Variants in PAIP1 observed in about 807,000 individuals in gnomAD.
The protein encoded by PAIP1 is polyadenylate-binding protein-interacting protein 1.
Under a neutral mutation model 61.3 loss-of-function variants are expected in PAIP1, and 16 were observed. The ratio of observed to expected loss-of-function variants is 0.26; its 90% confidence interval spans 0.18 to 0.40. PAIP1 has a LOEUF of 0.40. Ranked by LOEUF, PAIP1 falls within the 10% of genes least tolerant of loss-of-function variation. The probability of loss-of-function intolerance (pLI) is 1.00; values close to 1 mark genes in which losing one functional copy is unlikely to be tolerated. For synonymous variants in PAIP1, 187 were observed against 226.2 expected (o/e 0.83, Z 1.56); for missense variants, 416 against 600.9 (o/e 0.69, Z 3.22).
At chr5:43,529,472 C>T (rs550613197) in intron 10 of PAIP1, among the ~76,000 whole-genome samples, 40 of 152,016 alleles carry the variant, frequency 2.6e-4, no homozygotes, top group Non-Finnish European at 5.1e-4. Flanking sequence ...GGCACGATCT[C>T]GGCTCACTGC....
In PAIP1 at chr5:43,546,320, A is replaced by C. The variant is rs1482305872; in HGVS notation, c.621+1408T>G. On this transcript the variant is annotated intron_variant, in intron 3 of 10. Transcript: ENST00000306846. ...GCAGCCTACTGAATAACTGAAACTAAATAGTGGAGGAAGCCAGAAAGGCAA... is the reference window on the plus strand; with the variant it reads ...GCAGCCTACTGAATAACTGAAACTACATAGTGGAGGAAGCCAGAAAGGCAA... Among the ~76,000 whole-genome samples the C allele has an allele frequency of 3.3e-5, 5 of 152,398 alleles. No individual in the cohort carries two copies. In the East Asian group the frequency reaches 9.6e-4, roughly 29 times the overall value.
At chr5:43,548,716 C>T (rs1018158548) in intron 2 of PAIP1, among the ~76,000 whole-genome samples, 2 of 152,126 alleles carry the variant, frequency 1.3e-5, no homozygotes, top group Admixed American at 6.5e-5. Context: ...CCACCCGAAG[C>T]GCTTTAAAGT....
At chr5:43,548,103 G>A (rs2111575365) in intron 2 of PAIP1, among the ~76,000 whole-genome samples, 190 bp from the exon 3 acceptor site, 1 of 152,302 alleles carries the variant, frequency 6.6e-6, no homozygotes, top group East Asian at 1.9e-4. Flanking sequence ...ATTAACAGCA[G>A]AAAGGTTCTG....
At chr5:43,544,620 C>G (rs1747556421) in intron 3 of PAIP1, among the ~76,000 whole-genome samples, 2 of 152,198 alleles carry the variant, frequency 1.3e-5, no homozygotes, top group Admixed American at 1.3e-4. Context: ...CTTACTGCAA[C>G]TTGAGCATCC....
At chr5:43,540,804 G>A (rs539092900) in intron 4 of PAIP1, among the ~76,000 whole-genome samples, 1 of 152,286 alleles carries the variant, frequency 6.6e-6, no homozygotes, top group African/African-American at 2.4e-5. Context: ...TAGCTATACA[G>A]TAGAATCACT....
chr5:43,544,335 A>G (rs748238283), intron 3 of PAIP1, among the ~76,000 whole-genome samples: 2 of 152,044 alleles, frequency 1.3e-5, no homozygotes, highest in African/African-American at 2.4e-5. Context: ...AGGGAGAAAG[A>G]GTGATTTCTC....
At chr5:43,557,087 C>G (rs1161496451), upstream of PAIP1, 7 of 702,204 alleles carry the variant, frequency 1.0e-5, no homozygotes, top group Non-Finnish European at 1.4e-5. Flanking sequence ...CAGTTCTCCC[C>G]CAAAACCCGG....
chr5:43,541,983 C>A (rs1747433081), intron 4 of PAIP1, among the ~76,000 whole-genome samples: 1 of 150,928 alleles, frequency 6.6e-6, no homozygotes, highest in South Asian at 2.1e-4. Context: ...TCGAGACCAG[C>A]CTGGCCAACA....
At chr5:43,531,735 CAA>C (rs1746950223) in intron 9 of PAIP1, among the ~76,000 whole-genome samples, 1 of 142,142 alleles carries the variant, frequency 7.0e-6, no homozygotes, top group East Asian at 2.4e-4. Context: ...TAACTGTTAA[CAA>C]AAAGTACACC....
intron 2 of PAIP1, among the ~76,000 whole-genome samples, chr5:43,552,678 C>T (rs778063058): frequency 1.1e-4 from 17 of 151,804 alleles, no homozygotes; most frequent in Admixed American, 9.2e-4. Context: ...TGCAGAGTCT[C>T]GGGAGTGAAG....
intron 1 of PAIP1, chr5:43,556,375 C>T (rs1403816541): frequency 1.5e-5 from 18 of 1,234,616 alleles, no homozygotes; most frequent in South Asian, 8.1e-5. Flanking sequence ...GGCCCCTCCC[C>T]CCAGCCAGGC....
intron 2 of PAIP1, among the ~76,000 whole-genome samples, chr5:43,548,475 C>G (rs967434138): frequency 6.6e-6 from 1 of 152,122 alleles, no homozygotes; most frequent in Non-Finnish European, 1.5e-5. Context: ...TAAAGCTGCT[C>G]GAGTAACTAA....
chr5:43,555,514 T>C (rs980760932), intron 2 of PAIP1, among the ~76,000 whole-genome samples: 54 of 152,246 alleles, frequency 3.5e-4, no homozygotes, highest in African/African-American at 1.3e-3. Flanking sequence ...AAATACTTTA[T>C]CACAACCCCG....
At chr5:43,554,218 C>T (rs1417228144) in intron 2 of PAIP1, among the ~76,000 whole-genome samples, 1 of 152,194 alleles carries the variant, frequency 6.6e-6, no homozygotes, top group Non-Finnish European at 1.5e-5. Flanking sequence ...TACACAAACA[C>T]ACCCCTGTAT....
intron 2 of PAIP1, among the ~76,000 whole-genome samples, chr5:43,553,841 C>G (rs890510503): frequency 9.2e-5 from 14 of 152,206 alleles, no homozygotes; most frequent in African/African-American, 3.4e-4. Flanking sequence ...TGCCTCTACT[C>G]AGCTCCAACC....
At chr5:43,529,466 C>T (rs559943962) in intron 10 of PAIP1, among the ~76,000 whole-genome samples, 29 of 152,010 alleles carry the variant, frequency 1.9e-4, no homozygotes, top group African/African-American at 6.5e-4. Context: ...TGCAGTGGCA[C>T]GATCTCGGCT....
chr5:43,534,407 C>A (rs1747063041), intron 8 of PAIP1, among the ~76,000 whole-genome samples: 1 of 152,238 alleles, frequency 6.6e-6, no homozygotes, highest in Non-Finnish European at 1.5e-5. Flanking sequence ...CCACGTTGGT[C>A]AGGCTGGTCT....
intron 8 of PAIP1, 93 bp from the exon 9 acceptor site, chr5:43,533,885 C>T: frequency 2.5e-6 from 2 of 791,262 alleles, no homozygotes; most frequent in Non-Finnish European, 4.5e-6. Context: ...CACCCGTCTG[C>T]ACCTAATAAT....
intron 6 of PAIP1, 90 bp downstream of exon 6, chr5:43,536,729 T>A (rs1747171578): frequency 3.4e-6 from 2 of 581,892 alleles, no homozygotes; most frequent in Non-Finnish European, 5.8e-6. Flanking sequence ...AAGTGATAAA[T>A]CTTGAATTCA....
Sources: allele counts gnomAD v4.1 joint callset (sites outside exome capture counted in the v4.1 genomes callset), GRCh38; gene constraint gnomAD v4.1.1; transcripts MANE v1.5; gene names NCBI Gene and HGNC (gene_info 2026-07-23, HGNC 2026-07-21).